SHISA9: variants seen among roughly 807,000 people sequenced by gnomAD.
The protein encoded by SHISA9 is shisa family member 9.
SHISA9 carries 13 observed loss-of-function variants against 38.0 expected under a neutral mutation model. The ratio of observed to expected loss-of-function variants is 0.34; its 90% CI spans 0.22 to 0.54. SHISA9 has a LOEUF of 0.54. Ranked by LOEUF, SHISA9 falls within the 20% of genes least tolerant of loss-of-function variation. The pLI is 0.91. For missense variants in SHISA9, 538 were observed against 575.8 expected, an observed-to-expected ratio of 0.93 and a Z score of 0.67; for synonymous variants, 275 against 242.0, an observed-to-expected ratio of 1.14 and a Z score of -1.27.
intron 4 of SHISA9, among the ~76,000 whole-genome samples, chr16:13,221,763 A>G (rs1441975973): frequency 1.3e-5 from 2 of 152,214 alleles, no homozygotes; most frequent in Non-Finnish European, 2.9e-5. Context: ...AAGAAACTCT[A>G]TAACCATTAG....
intron 2 of SHISA9, among the ~76,000 whole-genome samples, chr16:12,996,439 G>C (rs1016887630): frequency 4.6e-5 from 7 of 152,176 alleles, no homozygotes; most frequent in African/African-American, 1.7e-4. Context: ...TCCTGAGCCT[G>C]ATGCTCTGGC....
intron 2 of SHISA9, among the ~76,000 whole-genome samples, chr16:12,989,047 G>A (rs1002941428): frequency 1.3e-5 from 2 of 152,132 alleles, no homozygotes; most frequent in African/African-American, 4.8e-5. Context: ...TGAGGTAAGA[G>A]CTAGAAAGTG....
At chr16:13,360,542 C>G in the SHISA9 span, among the ~76,000 whole-genome samples, 3 of 152,290 alleles carry the variant, frequency 2.0e-5, no homozygotes, top group East Asian at 5.8e-4. Flanking sequence ...TGCCACCATG[C>G]AAAGAAGGAT....
chr16:13,324,899 G>T, the SHISA9 span, among the ~76,000 whole-genome samples: 12 of 152,282 alleles, frequency 7.9e-5, no homozygotes, highest in African/African-American at 2.9e-4. Flanking sequence ...TCAAAGCGGG[G>T]GCTTCCAGGC....
At chr16:13,418,441 G>A in the SHISA9 span, among the ~76,000 whole-genome samples, 1 of 152,160 alleles carries the variant, frequency 6.6e-6, no homozygotes, top group African/African-American at 2.4e-5. Flanking sequence ...GGCATCTGCT[G>A]AAACCGCATA....
chr16:13,504,099 A>G, the SHISA9 span, among the ~76,000 whole-genome samples: 1 of 152,208 alleles, frequency 6.6e-6, no homozygotes, highest in African/African-American at 2.4e-5. Flanking sequence ...AGTGCAACAT[A>G]TTCAGGTTTG....
the SHISA9 span, among the ~76,000 whole-genome samples, chr16:13,306,291 T>G: frequency 6.6e-6 from 1 of 152,176 alleles, no homozygotes; most frequent in African/African-American, 2.4e-5. Context: ...TTGTTGTTGT[T>G]GTTCAGTTAA....
chr16:13,221,397 C>G (rs2051223800), intron 4 of SHISA9, among the ~76,000 whole-genome samples: 1 of 149,184 alleles, frequency 6.7e-6, no homozygotes, highest in South Asian at 2.1e-4. Flanking sequence ...ATCTGCACAA[C>G]TTTATACCAT....
intron 4 of SHISA9, among the ~76,000 whole-genome samples, chr16:13,232,083 ATGGTTCCTGCCCTGC>A (rs751314991): frequency 1.8e-4 from 27 of 152,326 alleles, no homozygotes; most frequent in Non-Finnish European, 3.5e-4. Context: ...AGAAACAGAC[ATGGTTCCTGCCCTGC>A]TGGGGTGGAC....
chr16:12,908,778 G>A (rs1470862501), intron 1 of SHISA9: 2 of 1,385,882 alleles, frequency 1.4e-6, no homozygotes, highest in African/African-American at 2.9e-5. Flanking sequence ...AGACGTCTTG[G>A]TGGAGGCGTT....
At chr16:13,064,437 C>T (rs939016077) in intron 2 of SHISA9, among the ~76,000 whole-genome samples, 1 of 152,134 alleles carries the variant, frequency 6.6e-6, no homozygotes, top group Non-Finnish European at 1.5e-5. Context: ...CAAACCTGCA[C>T]ATGTTCCCCT....
intron 2 of SHISA9, among the ~76,000 whole-genome samples, chr16:12,948,232 G>C (rs576685549): frequency 3.3e-5 from 5 of 152,276 alleles, no homozygotes; most frequent in African/African-American, 1.2e-4. Flanking sequence ...CTTGAAAGTG[G>C]CAGAGCCGGG....
the SHISA9 span, among the ~76,000 whole-genome samples, chr16:13,348,552 G>T: frequency 3.3e-5 from 5 of 151,716 alleles, no homozygotes; most frequent in Non-Finnish European, 5.9e-5. Context: ...GATGCCTGGT[G>T]CCTGACTCTG....
At chr16:13,207,398 A>G (rs2142059590) in intron 3 of SHISA9, among the ~76,000 whole-genome samples, 1 of 152,238 alleles carries the variant, frequency 6.6e-6, no homozygotes, top group East Asian at 1.9e-4. Flanking sequence ...TCTTTGAGTA[A>G]CCCTCTGTTC....
intron 2 of SHISA9, among the ~76,000 whole-genome samples, chr16:13,096,807 T>G (rs2073832737): frequency 6.6e-6 from 1 of 152,158 alleles, no homozygotes; most frequent in Non-Finnish European, 1.5e-5. Context: ...CCCAGCCTTT[T>G]GGATGTGCTA....
chr16:13,156,475 C>A (rs1426281051), intron 2 of SHISA9, among the ~76,000 whole-genome samples: 1 of 152,182 alleles, frequency 6.6e-6, no homozygotes, highest in Non-Finnish European at 1.5e-5. Flanking sequence ...TGGCTCACGC[C>A]TGTAATCCCA....
chr16:13,209,757 C>T (rs2051099970), intron 3 of SHISA9, among the ~76,000 whole-genome samples: 1 of 152,172 alleles, frequency 6.6e-6, no homozygotes, highest in South Asian at 2.1e-4. Flanking sequence ...ATATGGGAGC[C>T]TACCTTGTGA....
chr16:13,051,307 G>C (rs2073248211), intron 2 of SHISA9, among the ~76,000 whole-genome samples: 1 of 152,190 alleles, frequency 6.6e-6, no homozygotes, highest in Middle Eastern at 3.2e-3. Flanking sequence ...AAAAGCATCA[G>C]ATCTTGTGAG....
At chr16:13,121,766 A>C (rs1317181941) in intron 2 of SHISA9, among the ~76,000 whole-genome samples, 1 of 150,794 alleles carries the variant, frequency 6.6e-6, no homozygotes, top group Non-Finnish European at 1.5e-5. Flanking sequence ...TTTTTGTTCA[A>C]ATTCTTTTTA....
Sources: gnomAD v4.1 joint callset for allele counts (sites outside exome capture counted in the v4.1 genomes callset) on GRCh38, gnomAD v4.1.1 for gene constraint, MANE v1.5 for transcripts, NCBI Gene and HGNC (gene_info 2026-07-23, HGNC 2026-07-21) for gene names.